DPP10: variants seen among roughly 807,000 people sequenced by gnomAD.
DPP10 encodes the protein inactive dipeptidyl peptidase 10.
A neutral mutation model predicts 120.9 loss-of-function variants in DPP10; 33 were observed. The observed-to-expected ratio is 0.27, with a 90% CI of 0.21 to 0.37. The LOEUF (loss-of-function observed/expected upper bound fraction) is 0.37, where lower values mean the gene tolerates loss of function less well. Among genes scored for constraint, DPP10 ranks in the 10% least tolerant of loss-of-function variants. The probability of loss-of-function intolerance (pLI) is 1.00; values close to 1 mark genes in which losing one functional copy is unlikely to be tolerated. For missense variants in DPP10, 816 were observed against 942.8 expected (o/e 0.87, Z 1.76); for synonymous variants, 337 against 326.1 (o/e 1.03, Z -0.36).
Position 115,552,754 on chromosome 2 carries a change from T to C in DPP10, c.441+26782T>C, listed in dbSNP as rs975409409. 2.0e-5 allele frequency among the ~76,000 whole-genome samples: 3 copies of C among 152,090 alleles called. No homozygotes were observed. The East Asian group carries it at 5.8e-4, about 29-fold the overall frequency. On this transcript the variant is annotated intron_variant, in intron 5 of 25. Transcript: ENST00000410059. ...TTAAATATTTATTAATGAAAAACCT[T>C]ACTCAGAAACCTCAAGATCATGATT...
At chr2:114,844,241 C>T (rs1291705618) in intron 1 of DPP10, among the ~76,000 whole-genome samples, 3 of 152,086 alleles carry the variant, frequency 2.0e-5, no homozygotes, top group African/African-American at 7.2e-5. Flanking sequence ...ATTCTTCACG[C>T]TTGATGTGTG....
At chr2:115,623,014 G>T (rs2085084984) in intron 5 of DPP10, among the ~76,000 whole-genome samples, 1 of 151,548 alleles carries the variant, frequency 6.6e-6, no homozygotes, top group African/African-American at 2.4e-5. Context: ...GACTAACTTG[G>T]TTTTGTATTT....
chr2:115,039,927 G>A (rs763510904), intron 1 of DPP10, among the ~76,000 whole-genome samples: 1 of 151,798 alleles, frequency 6.6e-6, no homozygotes, highest in Non-Finnish European at 1.5e-5. Flanking sequence ...AGGAGAGCAA[G>A]CTCACCTTAC....
intron 24 of DPP10, 137 bp from the exon 25 acceptor site, chr2:115,840,613 C>G: frequency 2.4e-6 from 2 of 842,770 alleles, no homozygotes; most frequent in Non-Finnish European, 1.8e-6. Context: ...CGTGAGCCAC[C>G]GTGCCCAGCC....
At chr2:115,278,538 G>A (rs984141116) in intron 1 of DPP10, among the ~76,000 whole-genome samples, 3 of 151,988 alleles carry the variant, frequency 2.0e-5, no homozygotes, top group Non-Finnish European at 4.4e-5. Flanking sequence ...CAAGAAGCAC[G>A]GTGCCAACAT....
At chr2:115,775,110 A>G (rs1681938589) in intron 13 of DPP10, among the ~76,000 whole-genome samples, 1 of 152,142 alleles carries the variant, frequency 6.6e-6, no homozygotes, top group Non-Finnish European at 1.5e-5. Context: ...CAATACATAT[A>G]AACAACAGTT....
chr2:114,627,165 C>A (rs1037802811), intron 1 of DPP10, among the ~76,000 whole-genome samples: 13 of 152,022 alleles, frequency 8.6e-5, no homozygotes, highest in Non-Finnish European at 1.8e-4. Context: ...TCTTGCTCAC[C>A]AGTTAGATAA....
At chr2:115,508,741 A>G (rs1382846577) in intron 4 of DPP10, among the ~76,000 whole-genome samples, 1 of 152,136 alleles carries the variant, frequency 6.6e-6, no homozygotes, top group Non-Finnish European at 1.5e-5. Flanking sequence ...CATCTCTACT[A>G]AAAATACAAA....
intron 1 of DPP10, among the ~76,000 whole-genome samples, chr2:114,986,648 A>C (rs1700410401): frequency 1.3e-5 from 2 of 152,256 alleles, no homozygotes; most frequent in South Asian, 2.1e-4. Flanking sequence ...AATAACAAAA[A>C]GGGAAACAAT....
At chr2:115,317,911 G>A (rs1443102860) in intron 2 of DPP10, among the ~76,000 whole-genome samples, 2 of 151,990 alleles carry the variant, frequency 1.3e-5, no homozygotes, top group African/African-American at 2.4e-5. Flanking sequence ...CTATAATGTA[G>A]GTTGTCTCTT....
At chr2:115,739,701 C>T in intron 8 of DPP10, 38 bp from the exon 9 acceptor site, 1 of 1,604,588 alleles carries the variant, frequency 6.2e-7, no homozygotes, top group Non-Finnish European at 8.5e-7. Context: ...GAGCCCACAT[C>T]TCTACAGTTG....
At chr2:114,804,405 T>G (rs538528297) in intron 1 of DPP10, among the ~76,000 whole-genome samples, 2 of 152,192 alleles carry the variant, frequency 1.3e-5, no homozygotes, top group Admixed American at 1.3e-4. Context: ...GCCACCATCC[T>G]CCCAGAATGG....
At chr2:114,814,596 G>T (rs1574252382) in intron 1 of DPP10, among the ~76,000 whole-genome samples, 8 of 152,022 alleles carry the variant, frequency 5.3e-5, no homozygotes, top group Admixed American at 5.2e-4. Context: ...GCTGCATGTG[G>T]TTAGTGGCTA....
At chr2:114,682,278 C>A (rs1043236001) in intron 1 of DPP10, among the ~76,000 whole-genome samples, 1 of 151,880 alleles carries the variant, frequency 6.6e-6, no homozygotes, top group African/African-American at 2.4e-5. Context: ...TTGAAATTAG[C>A]CAAATCCATT....
chr2:114,941,185 G>C (rs1317450208), intron 1 of DPP10, among the ~76,000 whole-genome samples: 1 of 152,184 alleles, frequency 6.6e-6, no homozygotes, highest in Non-Finnish European at 1.5e-5. Context: ...AATGATGCCT[G>C]TGATATGCAT....
At chr2:115,083,245 T>C (rs971217031) in intron 1 of DPP10, among the ~76,000 whole-genome samples, 5 of 152,222 alleles carry the variant, frequency 3.3e-5, no homozygotes, top group Middle Eastern at 3.2e-3. Flanking sequence ...CACTTTTTTT[T>C]CTATTTCAAT....
chr2:114,586,763 C>G lies in DPP10; in HGVS notation c.60+143925C>G, dbSNP rs560030976. ...GGCTTGGAGTTCTCTTCAAGGTAAT[C>G]AGTGAGTTCTTGCTCTCTTAGTTCC... On this transcript the variant is annotated intron_variant, in intron 1 of 25. Coordinates refer to ENST00000410059, the MANE Select transcript of DPP10 (RefSeq NM_020868.6). 3.9e-5 allele frequency among the ~76,000 whole-genome samples: 6 copies of G among 152,140 alleles called. No individual in the cohort carries two copies. The South Asian group carries it at 1.2e-3, about 32-fold the overall frequency.
chr2:114,881,341 G>T (rs1180922672), intron 1 of DPP10, among the ~76,000 whole-genome samples: 1 of 151,980 alleles, frequency 6.6e-6, no homozygotes, highest in Non-Finnish European at 1.5e-5. Context: ...AAAAAATCAT[G>T]GTCCTTTAGT....
chr2:115,181,004 T>TATGTTTAGGAAAATA, intron 1 of DPP10, among the ~76,000 whole-genome samples: 1 of 151,818 alleles, frequency 6.6e-6, no homozygotes, highest in Non-Finnish European at 1.5e-5. Context: ...AAAATATACG[T>TATGTTTAGGAAAATA]CACTTAGTGA....
Sources: allele counts gnomAD v4.1 joint callset (sites outside exome capture counted in the v4.1 genomes callset), GRCh38; gene constraint gnomAD v4.1.1; transcripts MANE v1.5; gene names NCBI Gene and HGNC (gene_info 2026-07-23, HGNC 2026-07-21).